The following PTPRT variants were observed in gnomAD, a reference collection of about 807,000 sequenced individuals.
The protein encoded by PTPRT is receptor-type tyrosine-protein phosphatase T.
PTPRT carries 56 observed loss-of-function variants against 176.8 expected under a neutral mutation model. The observed-to-expected ratio is 0.32, with a 90% CI of 0.26 to 0.40. The LOEUF (loss-of-function observed/expected upper bound fraction) is 0.40, where lower values mean the gene tolerates loss of function less well. Among genes scored for constraint, PTPRT ranks in the 10% least tolerant of loss-of-function variants. The pLI is 1.00. For synonymous variants in PTPRT, 783 were observed against 739.0 expected, an observed-to-expected ratio of 1.06 and a Z score of -0.96; for missense variants, 1,540 against 1,908.2, an observed-to-expected ratio of 0.81 and a Z score of 3.60.
At chr20:42,881,757 A>G (rs2079015811) in intron 2 of PTPRT, among the ~76,000 whole-genome samples, 1 of 149,978 alleles carries the variant, frequency 6.7e-6, no homozygotes, top group South Asian at 2.1e-4. Flanking sequence ...AAAGAGAGAG[A>G]GAGACAACCA....
chr20:42,386,212 G>A (rs529529445), intron 9 of PTPRT, among the ~76,000 whole-genome samples: 1 of 152,252 alleles, frequency 6.6e-6, no homozygotes, highest in Non-Finnish European at 1.5e-5. Context: ...GGGCTGGAGA[G>A]GTGAGCCAAA....
intron 12 of PTPRT, among the ~76,000 whole-genome samples, chr20:42,283,209 CT>C (rs2057169823): frequency 6.6e-6 from 1 of 152,082 alleles, no homozygotes; most frequent in Admixed American, 6.6e-5. Flanking sequence ...GAAGAGTGTG[CT>C]TAGGAAGAGA....
At chr20:43,009,719 C>T (rs182603636) in intron 1 of PTPRT, among the ~76,000 whole-genome samples, 1 of 152,262 alleles carries the variant, frequency 6.6e-6, no homozygotes, top group Admixed American at 6.5e-5. Flanking sequence ...ACCATCTTTA[C>T]CCCAGTCCAC....
chr20:42,889,902 G>A (rs923224840), intron 1 of PTPRT, among the ~76,000 whole-genome samples: 1 of 152,138 alleles, frequency 6.6e-6, no homozygotes, highest in Non-Finnish European at 1.5e-5. Context: ...ATATAGCTCT[G>A]AGCTTCTGAC....
intron 1 of PTPRT, among the ~76,000 whole-genome samples, chr20:42,893,237 G>C (rs2079226850): frequency 6.6e-6 from 1 of 152,232 alleles, no homozygotes; most frequent in South Asian, 2.1e-4. Context: ...AGACGTTTAT[G>C]CAGCCAAAAG....
chr20:42,640,761 A>G (rs1173887455), intron 7 of PTPRT, among the ~76,000 whole-genome samples: 1 of 152,154 alleles, frequency 6.6e-6, no homozygotes, highest in African/African-American at 2.4e-5. Context: ...ACTTAAATCT[A>G]CATTGAGGAT....
intron 7 of PTPRT, among the ~76,000 whole-genome samples, chr20:42,563,218 C>T (rs1383428136): frequency 2.6e-5 from 4 of 151,984 alleles, no homozygotes; most frequent in Admixed American, 6.6e-5. Context: ...ATGTGTAAAG[C>T]TCCCCAAAGA....
chr20:42,092,313 G>T (rs2425470), intron 27 of PTPRT, among the ~76,000 whole-genome samples: 104,592 of 152,132 alleles, frequency 0.69, 36,645 homozygotes, highest in African/African-American at 0.82. Context: ...AACATGAGAA[G>T]ACAACCCCCT....
intron 1 of PTPRT, among the ~76,000 whole-genome samples, chr20:43,108,817 G>A (rs548524626): frequency 4.6e-4 from 70 of 152,188 alleles, no homozygotes; most frequent in South Asian, 1.5e-3. Context: ...TCTGAGCCAC[G>A]CAATGGGACA....
chr20:43,060,036 T>G (rs1478147689), intron 1 of PTPRT, among the ~76,000 whole-genome samples: 1 of 152,034 alleles, frequency 6.6e-6, no homozygotes, highest in African/African-American at 2.4e-5. Context: ...TATTATTATG[T>G]CTGTTCAAGG....
chr20:42,555,715 T>G (rs987464884), intron 7 of PTPRT, among the ~76,000 whole-genome samples: 3 of 152,164 alleles, frequency 2.0e-5, no homozygotes, highest in Non-Finnish European at 4.4e-5. Flanking sequence ...TATGAGCAGG[T>G]ATTGCTGTAC....
chr20:43,110,234 T>A (rs558484938), intron 1 of PTPRT, among the ~76,000 whole-genome samples: 1 of 152,148 alleles, frequency 6.6e-6, no homozygotes, highest in Non-Finnish European at 1.5e-5. Flanking sequence ...CAGGTTCTTT[T>A]TAATACCCAG....
intron 13 of PTPRT, among the ~76,000 whole-genome samples, chr20:42,256,261 C>G (rs1165181931): frequency 6.6e-6 from 1 of 152,108 alleles, no homozygotes; most frequent in Non-Finnish European, 1.5e-5. Context: ...CTCAGAATAG[C>G]AGATTATTTT....
At chr20:42,839,473 G>T (rs1190814886) in intron 2 of PTPRT, among the ~76,000 whole-genome samples, 1 of 152,172 alleles carries the variant, frequency 6.6e-6, no homozygotes, top group African/African-American at 2.4e-5. Flanking sequence ...CTCTGGGGTT[G>T]CCCTCCAGAA....
intron 2 of PTPRT, among the ~76,000 whole-genome samples, chr20:42,864,201 A>C (rs746781810): frequency 6.6e-6 from 1 of 152,214 alleles, no homozygotes; most frequent in Non-Finnish European, 1.5e-5. Flanking sequence ...GAGTCTCAGT[A>C]AGCACACACT....
chr20:42,161,412 C>G lies in PTPRT; in HGVS notation c.2622G>C (p.Leu874Phe), dbSNP rs1303470283. The G allele has an allele frequency of 6.2e-7, 1 of 1,614,054 alleles. No individual in the cohort carries two copies. The highest frequency in any genetic ancestry group is 8.5e-7 in the Non-Finnish European group (1 of 1,180,038). Reference sequence around the variant, plus strand: ...TCTTCATCTGCGTGATGTGCTGCAGCAAGTCAGCCACCCGGATGGCGGGTT... The same window carrying G: ...TCTTCATCTGCGTGATGTGCTGCAGGAAGTCAGCCACCCGGATGGCGGGTT... ...QFQPAIRVAD[L>F]LQHITQMKRG... Residue 874 changes from leucine to phenylalanine, a missense_variant, in exon 17 of 31, where the codon TTG (leucine) becomes TTC (phenylalanine). Around this residue, in one of 11 missense-constraint regions of PTPRT, gnomAD observed 255 missense variants for 250.1 expected, o/e 1.02. Transcript: ENST00000373187.
At chr20:42,677,042 C>T (rs1249630531) in intron 7 of PTPRT, among the ~76,000 whole-genome samples, 3 of 152,106 alleles carry the variant, frequency 2.0e-5, no homozygotes, top group African/African-American at 7.2e-5. Flanking sequence ...ATCCAGAGGA[C>T]CTTCAGAGGA....
At chr20:42,609,216 G>C (rs759723838) in intron 7 of PTPRT, among the ~76,000 whole-genome samples, 3 of 152,088 alleles carry the variant, frequency 2.0e-5, no homozygotes, top group Non-Finnish European at 4.4e-5. Context: ...TGGTACTACA[G>C]ACACACATGA....
intron 11 of PTPRT, among the ~76,000 whole-genome samples, chr20:42,339,042 C>G (rs1375221532): frequency 6.6e-6 from 1 of 152,130 alleles, no homozygotes; most frequent in Non-Finnish European, 1.5e-5. Flanking sequence ...CATTTTGGCA[C>G]TCAATATATT....
Sources: allele counts gnomAD v4.1 joint callset (sites outside exome capture counted in the v4.1 genomes callset), GRCh38; gene constraint gnomAD v4.1.1; regional missense constraint gnomAD v4.1.1; transcripts MANE v1.5; gene names NCBI Gene and HGNC (gene_info 2026-07-23, HGNC 2026-07-21).